Variants in DDX11 observed in about 807,000 individuals in gnomAD.
DDX11 encodes the protein ATP-dependent DNA helicase DDX11.
Under a neutral mutation model 125.2 loss-of-function variants are expected in DDX11, and 72 were observed. The ratio of observed to expected loss-of-function variants is 0.58; its 90% CI spans 0.48 to 0.70. The LOEUF (loss-of-function observed/expected upper bound fraction) is 0.70, where lower values mean the gene tolerates loss of function less well. Ranked by LOEUF, DDX11 falls within the 30% of genes least tolerant of loss-of-function variation. The probability of loss-of-function intolerance (pLI) is 0.00; values close to 1 mark genes in which losing one functional copy is unlikely to be tolerated. For synonymous variants in DDX11, 347 were observed against 452.6 expected (o/e 0.77, Z 2.96); for missense variants, 883 against 1,165.0 (o/e 0.76, Z 3.52).
chr12:31,092,381 T>G (rs2140815141), intron 10 of DDX11, among the ~76,000 whole-genome samples: 1 of 152,292 alleles, frequency 6.6e-6, no homozygotes, highest in Non-Finnish European at 1.5e-5. Context: ...TCAAGCTCTG[T>G]CCTGAGGTCA....
At chr12:31,086,517 T>C (rs552192552) in intron 5 of DDX11, among the ~76,000 whole-genome samples, 1 of 152,166 alleles carries the variant, frequency 6.6e-6, no homozygotes, top group Admixed American at 6.5e-5. Context: ...GCTTTATGCC[T>C]CGCTGGTGAG....
chr12:31,104,307 C>T lies in DDX11; in HGVS notation c.*471C>T. On this transcript the variant is annotated 3_prime_UTR_variant, in exon 27 of 27. Transcript: ENST00000542838. ...GTCTCAATTTAAAATGATCCATGGC[C>T]ACAGGGCTCCTGCCCAGGGGCTTGT... The T allele has an allele frequency of 2.1e-6, 1 of 474,764 alleles. No individual in the cohort carries two copies. Among genetic ancestry groups the T allele is most frequent in the Non-Finnish European group, 3.6e-6 (1 of 275,216 alleles). 29.4% of individuals were successfully genotyped at this position (474,764 alleles called of 1,614,324 possible).
intron 2 of DDX11, among the ~76,000 whole-genome samples, chr12:31,081,389 G>A (rs1941899580): frequency 1.3e-5 from 2 of 152,182 alleles, no homozygotes; most frequent in Admixed American, 1.3e-4. Flanking sequence ...TGGATGCACA[G>A]GTGCCCCACC....
chr12:31,076,509 A>G (rs1323504776), intron 1 of DDX11, among the ~76,000 whole-genome samples: 8 of 152,208 alleles, frequency 5.3e-5, no homozygotes, highest in African/African-American at 2.4e-5. Context: ...GAGCTTCACT[A>G]AAGCAGAGTC....
intron 1 of DDX11, among the ~76,000 whole-genome samples, chr12:31,076,170 T>C (rs1332955094): frequency 1.3e-5 from 2 of 152,094 alleles, no homozygotes; most frequent in Non-Finnish European, 2.9e-5. Flanking sequence ...ATGAAGACTT[T>C]TTACTTGGCA....
chr12:31,099,115 T>C (rs1437275624), intron 18 of DDX11, among the ~76,000 whole-genome samples: 2 of 131,240 alleles, frequency 1.5e-5, no homozygotes, highest in East Asian at 4.6e-4. Flanking sequence ...TGAGACACAG[T>C]CTCGCTCTGT....
At chr12:31,097,287 G>A (rs1223277713) in intron 17 of DDX11, among the ~76,000 whole-genome samples, 1 of 152,130 alleles carries the variant, frequency 6.6e-6, no homozygotes, top group African/African-American at 2.4e-5. Flanking sequence ...AACTTCTACT[G>A]TGGGGTAGGT....
chr12:31,089,438 T>C lies in DDX11; in HGVS notation c.828T>C (p.Gly276=). ...TAAATGAAGACGTGAAAAGCCTAGG[T>C]TCTGTGCAGCTTATCAACGACCGCT... ...LCVNEDVKSL[G]SVQLINDRCV... The change falls in exon 8 of 27, where the codon GGT becomes GGC. Residue 276 remains glycine (G), a synonymous_variant. Transcript: ENST00000542838. 2 of 1,613,956 alleles carry C rather than the reference T, an allele frequency of 1.2e-6. No homozygotes were observed. Among genetic ancestry groups the C allele is most frequent in the African/African-American group, 1.3e-5 (1 of 75,032 alleles).
intron 12 of DDX11, 108 bp downstream of exon 12, chr12:31,093,432 T>G: frequency 1.3e-6 from 2 of 1,490,196 alleles, no homozygotes; most frequent in South Asian, 2.4e-5. Context: ...TTAAGAAGGG[T>G]CGGCCGGGTG....
At position 31,094,433 on chromosome 12, in the gene DDX11, G is replaced by A. The variant is rs888741601; in HGVS notation, c.1370-157G>A. 2.9e-6 allele frequency: 4 copies of A among 1,370,180 alleles called. No homozygotes were observed. The African/African-American group carries it at 5.8e-5, about 20-fold the overall frequency. The allele number at this position is 1,370,180 out of a possible 1,614,324, so 84.9% of individuals were successfully genotyped here. On this transcript the variant is annotated intron_variant, in intron 12 of 26. Transcript: ENST00000542838. ...TCCTGGACCCACCTGCCCTCTCAGT[G>A]GGTCCGTTGCATGCTATAAACAGTG...
At chr12:31,077,550 A>G (rs1389291002) in intron 1 of DDX11, among the ~76,000 whole-genome samples, 2 of 152,034 alleles carry the variant, frequency 1.3e-5, no homozygotes, top group African/African-American at 2.4e-5. Flanking sequence ...AGATACTTGT[A>G]AGATAAGGAC....
At chr12:31,103,417 T>TG (rs1480495378) in intron 25 of DDX11, 22 bp downstream of exon 25, 1 of 1,603,288 alleles carries the variant, frequency 6.2e-7, no homozygotes, top group African/African-American at 1.3e-5. Context: ...TGCCTCCAGC[T>TG]GGGTGGACAG....
chr12:31,091,644 G>A, intron 9 of DDX11, 75 bp from the exon 10 acceptor site: 1 of 1,487,702 alleles, frequency 6.7e-7, no homozygotes, highest in Non-Finnish European at 9.2e-7. Context: ...CTCACATCAG[G>A]AGCTCAGTGT....
At chr12:31,096,143 T>C (rs1945178190) in intron 14 of DDX11, among the ~76,000 whole-genome samples, 198 bp from the exon 15 acceptor site, 1 of 151,908 alleles carries the variant, frequency 6.6e-6, no homozygotes, top group South Asian at 2.1e-4. Flanking sequence ...GACACTGCGT[T>C]GTGGGCAGGG....
chr12:31,099,076 C>CTTTTTTTTTTTTTTT (rs1945864738), intron 18 of DDX11, among the ~76,000 whole-genome samples: 2 of 60,550 alleles, frequency 3.3e-5, no homozygotes, highest in African/African-American at 1.6e-4. Context: ...GTATTTCTTT[C>CTTTTTTTTTTTTTTT]TTTCTTTCTT....
chr12:31,094,611 A>G lies in DDX11; in HGVS notation c.1391A>G (p.Asn464Ser), dbSNP rs534444663. ...VLGGNIKQNPNTQSLSQTGTE... is the reference protein window; with the variant it reads ...VLGGNIKQNPSTQSLSQTGTE... ...TTAGGGAACATTAAGCAAAATCCCA[A>G]TACACAGAGTCTGTCACAGACAGGT... is the stretch of plus-strand genomic sequence containing the variant. Residue 464 changes from asparagine (N) to serine (S), a missense_variant, in exon 13 of 27, where the codon AAT becomes AGT. By Grantham distance (46) the Asn-to-Ser change is conservative. Coordinates refer to ENST00000542838, the MANE Select transcript of DDX11 (RefSeq NM_030653.4). The G allele has an allele frequency of 1.3e-6, 2 of 1,579,574 alleles. No homozygotes were observed. Among genetic ancestry groups the G allele is most frequent in the African/African-American group, 1.4e-5 (1 of 73,840 alleles).
rs1231020060 is a variant in DDX11, at chr12:31,094,633, A to G, written c.1413A>G (p.Thr471=). 1.2e-5 allele frequency: 19 copies of G among 1,565,634 alleles called. No homozygotes were observed. Among genetic ancestry groups the G allele is most frequent in the Non-Finnish European group, 1.6e-5 (19 of 1,155,510 alleles). Residue 471 remains threonine, a splice_region_variant and synonymous_variant, in exon 13 of 27, where the codon ACA becomes ACG. Coordinates refer to ENST00000542838, the MANE Select transcript of DDX11 (RefSeq NM_030653.4). The part of the protein sequence containing the change: ...QNPNTQSLSQ[T]GTELKTINDF... ...CCAATACACAGAGTCTGTCACAGAC[A>G]GGTAAGAGAGTTGCCCTCAGAGGGC...
intron 10 of DDX11, among the ~76,000 whole-genome samples, chr12:31,092,225 T>G (rs1944371611): frequency 6.6e-6 from 1 of 151,996 alleles, no homozygotes; most frequent in Non-Finnish European, 1.5e-5. Context: ...GGGACTGAAT[T>G]GAGGAATGCT....
intron 19 of DDX11, 76 bp downstream of exon 19, chr12:31,100,783 A>C (rs1946236717): frequency 3.3e-6 from 5 of 1,522,134 alleles, no homozygotes; most frequent in Non-Finnish European, 4.5e-6. Flanking sequence ...AATACCTCAT[A>C]CTGCGACCAG....
Sources: allele counts gnomAD v4.1 joint callset (sites outside exome capture counted in the v4.1 genomes callset), GRCh38; gene constraint gnomAD v4.1.1; transcripts MANE v1.5; gene names NCBI Gene and HGNC (gene_info 2026-07-23, HGNC 2026-07-21).